MTR: variants seen among roughly 807,000 people sequenced by gnomAD.
MTR encodes the protein 5-methyltetrahydrofolate-homocysteine methyltransferase, also known as methionine synthase.
A neutral mutation model predicts 154.8 loss-of-function variants in MTR; 84 were observed. That is an observed-to-expected ratio of 0.54 (90% CI 0.45 to 0.65). The LOEUF is 0.65. Ranked by LOEUF, MTR falls within the 30% of genes least tolerant of loss-of-function variation. MTR has a pLI of 0.00. For missense variants in MTR, 1,275 were observed against 1,570.2 expected, an observed-to-expected ratio of 0.81 and a Z score of 3.18; for synonymous variants, 554 against 553.9, an observed-to-expected ratio of 1.00 and a Z score of 0.00.
rs572822910 is a variant in MTR, at chr1:236,831,553, A to G, written c.1076-413A>G. The stretch of plus-strand genomic sequence containing the variant: ...TGGTGGGATTAAAAAAGCTTACTCC[A>G]TATAGCTTTAAGCTAACATCTGAGC... On this transcript the variant is annotated intron_variant, in intron 12 of 32. Transcript: ENST00000366577. 2.6e-4 allele frequency among the ~76,000 whole-genome samples: 39 copies of G among 152,354 alleles called. No homozygotes were observed. In the South Asian group the frequency reaches 8.1e-3, roughly 32 times the overall value.
intron 8 of MTR, chr1:236,820,333 C>T (rs1661857051): frequency 1.1e-5 from 8 of 754,600 alleles, no homozygotes; most frequent in South Asian, 6.7e-5. Flanking sequence ...ATGGACTGCT[C>T]CAGCTCCCGA....
chr1:236,866,081 A>G (rs1333617213), intron 22 of MTR, among the ~76,000 whole-genome samples: 1 of 152,178 alleles, frequency 6.6e-6, no homozygotes, highest in Non-Finnish European at 1.5e-5. Flanking sequence ...ATAATGTCTA[A>G]TATTGACACA....
At position 236,813,843 on chromosome 1, in the gene MTR, T is replaced by C. The variant is rs12138911; in HGVS notation, c.609+999T>C. Among the ~76,000 whole-genome samples, 34,854 of 151,996 alleles carry C rather than the reference T, an allele frequency of 0.23. 4,274 individuals are homozygous for C. The highest frequency in any genetic ancestry group is 0.32 in the South Asian group (1,534 of 4,814). On this transcript the variant is annotated intron_variant, in intron 6 of 32. Coordinates refer to ENST00000366577, the MANE Select transcript of MTR (RefSeq NM_000254.3). ...TGGTGATGGTGGTAGTGTTGTGTTA[T>C]TGTTAGTTTGTGTGTGCGTTTTAAT...
intron 22 of MTR, 25 bp downstream of exon 22, chr1:236,863,579 A>G (rs1664671434): frequency 6.3e-7 from 1 of 1,586,360 alleles, no homozygotes; most frequent in Admixed American, 1.7e-5. Context: ...CACCTCTTTC[A>G]ACCCCTTTTC....
chr1:236,872,358 C>T (rs560718884), intron 22 of MTR, among the ~76,000 whole-genome samples: 2 of 152,188 alleles, frequency 1.3e-5, no homozygotes, highest in South Asian at 2.1e-4. Flanking sequence ...CTCTTGCCCT[C>T]GGTGACCTGC....
At chr1:236,862,144 C>A in intron 20 of MTR, 92 bp from the exon 21 acceptor site, 1 of 982,482 alleles carries the variant, frequency 1.0e-6, no homozygotes, top group Non-Finnish European at 1.6e-6. Context: ...TCAAAGCATG[C>A]ATTCCTAATG....
At chr1:236,872,051 T>G (rs972531453) in intron 22 of MTR, among the ~76,000 whole-genome samples, 2 of 152,206 alleles carry the variant, frequency 1.3e-5, no homozygotes, top group African/African-American at 4.8e-5. Flanking sequence ...GTTGATGTAA[T>G]GAAATAAGTA....
intron 15 of MTR, among the ~76,000 whole-genome samples, chr1:236,842,812 G>A (rs977978456): frequency 1.3e-5 from 2 of 148,610 alleles, no homozygotes; most frequent in African/African-American, 4.9e-5. Context: ...TTGGCCAGGT[G>A]CAGTGGCTCA....
At chr1:236,845,651 A>C (rs1663524440) in intron 15 of MTR, among the ~76,000 whole-genome samples, 1 of 152,242 alleles carries the variant, frequency 6.6e-6, no homozygotes, top group Non-Finnish European at 1.5e-5. Flanking sequence ...AACTGAAGAG[A>C]AATAGATAGG....
intron 19 of MTR, among the ~76,000 whole-genome samples, chr1:236,860,923 G>A (rs1011984489): frequency 2.0e-5 from 3 of 152,056 alleles, no homozygotes; most frequent in African/African-American, 7.2e-5. Context: ...AGATACTATT[G>A]TAATATTCTA....
At chr1:236,827,003 T>C (rs1662327022) in intron 11 of MTR, 107 bp downstream of exon 11, 1 of 1,013,340 alleles carries the variant, frequency 9.9e-7, no homozygotes, top group African/African-American at 1.6e-5. Flanking sequence ...CCAAAATTTG[T>C]ATGTTGAAGT....
chr1:236,893,444 C>T (rs760180241), intron 29 of MTR, among the ~76,000 whole-genome samples: 9 of 152,202 alleles, frequency 5.9e-5, no homozygotes, highest in Non-Finnish European at 1.2e-4. Context: ...CCCCTGGCCC[C>T]TCCCACTGTC....
In MTR at chr1:236,889,343, G is replaced by A. The variant is rs375221748; in HGVS notation, c.3007+7G>A. On this transcript the variant is annotated splice_region_variant and intron_variant, in intron 28 of 32. Transcript: ENST00000366577. The stretch of plus-strand genomic sequence containing the variant: ...TTTAACGACAAAACAGTAGGTTAGT[G>A]CAGTAAGTCCTTCCTTTCTGCCTCT... 36 of 1,614,054 alleles carry A rather than the reference G, an allele frequency of 2.2e-5. No individual in the cohort carries two copies. The highest frequency in any genetic ancestry group is 3.1e-5 in the Non-Finnish European group (36 of 1,180,024).
At chr1:236,845,798 A>G (rs867617407) in intron 15 of MTR, among the ~76,000 whole-genome samples, 5 of 152,252 alleles carry the variant, frequency 3.3e-5, no homozygotes, top group Admixed American at 6.5e-5. Flanking sequence ...TATACTTTCA[A>G]AGTTAAGAAG....
chr1:236,806,478 G>A (rs1186250880), intron 3 of MTR, among the ~76,000 whole-genome samples: 5 of 152,224 alleles, frequency 3.3e-5, no homozygotes, highest in Non-Finnish European at 7.3e-5. Flanking sequence ...TAATTATGCA[G>A]TAGCTGTTGA....
intron 19 of MTR, 147 bp downstream of exon 19, chr1:236,860,069 G>GCCCCCCCC (rs59525673): frequency 7.2e-5 from 21 of 293,290 alleles, no homozygotes; most frequent in African/African-American, 1.3e-4. Context: ...TCCCCCAGCT[G>GCCCCCCCC]CCCCCCCCCC....
intron 14 of MTR, 65 bp from the exon 15 acceptor site, chr1:236,838,349 C>G: frequency 6.6e-7 from 1 of 1,507,450 alleles, no homozygotes; most frequent in Non-Finnish European, 9.2e-7. Context: ...TACTTTGGAG[C>G]CTTTGAAAAG....
chr1:236,795,982 C>T (rs1660361432), intron 1 of MTR, among the ~76,000 whole-genome samples: 2 of 152,242 alleles, frequency 1.3e-5, no homozygotes, highest in African/African-American at 4.8e-5. Context: ...GCGTCCTCCC[C>T]TCGCCCCCGA....
Position 236,889,195 on chromosome 1 carries a change from A to T in MTR, c.2866A>T (p.Ile956Phe). Residue 956 changes from isoleucine (I) to phenylalanine (F), a missense_variant, in exon 28 of 33, where the codon ATT (isoleucine) becomes TTT (phenylalanine). Ile to Phe is a conservative substitution (Grantham distance 21). Transcript: ENST00000366577. ...SEPHPVKPTFIGTQVFEDYDL... is the reference protein window; with the variant it reads ...SEPHPVKPTFFGTQVFEDYDL... ...CTCTCCTGTAGTGAAGCCCACGTTT[A>T]TTGGGACCCAGGTCTTTGAAGACTA... 6.2e-7 allele frequency: 1 copy of T among 1,614,140 alleles called. No individual in the cohort carries two copies. The highest frequency in any genetic ancestry group is 8.5e-7 in the Non-Finnish European group (1 of 1,180,022).
Sources: allele counts gnomAD v4.1 joint callset (sites outside exome capture counted in the v4.1 genomes callset), GRCh38; gene constraint gnomAD v4.1.1; transcripts MANE v1.5; gene names NCBI Gene and HGNC (gene_info 2026-07-23, HGNC 2026-07-21).